Variants in LMBRD1 observed in about 807,000 individuals in gnomAD.
LMBRD1 encodes the protein LMBR1 domain containing 1, also known as lysosomal cobalamin transport escort protein LMBD1.
LMBRD1 carries 64 observed loss-of-function variants against 74.8 expected under a neutral mutation model. That is an observed-to-expected ratio of 0.86 (90% CI 0.70 to 1.05). LMBRD1 has a LOEUF of 1.05. Ranked by LOEUF, LMBRD1 falls within the 50% of genes least tolerant of loss-of-function variation. LMBRD1 has a pLI of 0.00. For missense variants in LMBRD1, 652 were observed against 645.9 expected (o/e 1.01, Z -0.10); for synonymous variants, 204 against 216.3 (o/e 0.94, Z 0.50).
At chr6:69,711,096 A>G (rs1027302984) in intron 9 of LMBRD1, among the ~76,000 whole-genome samples, 1 of 152,182 alleles carries the variant, frequency 6.6e-6, no homozygotes, top group Non-Finnish European at 1.5e-5. Context: ...ATTGTGATAC[A>G]GACACACACT....
chr6:69,699,649 G>C (rs1457538114), intron 12 of LMBRD1, among the ~76,000 whole-genome samples: 3 of 151,656 alleles, frequency 2.0e-5, no homozygotes, highest in Non-Finnish European at 4.4e-5. Flanking sequence ...TCTTACTAAA[G>C]AGCTTTTCAC....
At chr6:69,793,655 A>C (rs1766140317) in intron 1 of LMBRD1, among the ~76,000 whole-genome samples, 1 of 152,074 alleles carries the variant, frequency 6.6e-6, no homozygotes, top group Admixed American at 6.6e-5. Flanking sequence ...TTATGTGTGA[A>C]GAAACTGAAG....
intron 7 of LMBRD1, among the ~76,000 whole-genome samples, chr6:69,728,177 G>A (rs1766776500): frequency 6.6e-6 from 1 of 152,174 alleles, no homozygotes; most frequent in Non-Finnish European, 1.5e-5. Flanking sequence ...GAAGAAGAGA[G>A]TGAAGTGGGA....
At chr6:69,792,590 T>C (rs757483018) in intron 1 of LMBRD1, among the ~76,000 whole-genome samples, 1 of 152,210 alleles carries the variant, frequency 6.6e-6, no homozygotes, top group African/African-American at 2.4e-5. Context: ...GGATCTAGGC[T>C]CAAATTCTTG....
At chr6:69,795,233 A>G (rs1161511189) in intron 1 of LMBRD1, among the ~76,000 whole-genome samples, 2 of 152,228 alleles carry the variant, frequency 1.3e-5, no homozygotes, top group East Asian at 3.8e-4. Flanking sequence ...ACAACATTCA[A>G]TTCTGATTTT....
At chr6:69,771,908 C>G (rs1245561397) in intron 3 of LMBRD1, among the ~76,000 whole-genome samples, 1 of 151,892 alleles carries the variant, frequency 6.6e-6, no homozygotes, top group Non-Finnish European at 1.5e-5. Flanking sequence ...TGGTCAGATT[C>G]TAGATAAATT....
intron 9 of LMBRD1, among the ~76,000 whole-genome samples, chr6:69,702,327 G>T (rs1415385402): frequency 6.6e-6 from 1 of 151,014 alleles, no homozygotes. Flanking sequence ...TGAAATGCAG[G>T]TTATATTACC....
intron 1 of LMBRD1, among the ~76,000 whole-genome samples, chr6:69,796,282 C>G (rs969537944): frequency 6.6e-6 from 1 of 151,888 alleles, no homozygotes; most frequent in Non-Finnish European, 1.5e-5. Context: ...GAAGTCAGAA[C>G]GAGCAACTCA....
chr6:69,757,228 T>C (rs1765285481), intron 3 of LMBRD1, among the ~76,000 whole-genome samples: 4 of 152,072 alleles, frequency 2.6e-5, no homozygotes, highest in African/African-American at 7.2e-5. Context: ...TGATTGAACA[T>C]AAGGAAGTTT....
At chr6:69,743,735 A>G (rs902275029) in intron 5 of LMBRD1, among the ~76,000 whole-genome samples, 16 of 152,246 alleles carry the variant, frequency 1.1e-4, no homozygotes, top group Non-Finnish European at 1.6e-4. Flanking sequence ...GAAAATATCC[A>G]TAAGTAGAAC....
intron 3 of LMBRD1, among the ~76,000 whole-genome samples, chr6:69,753,170 T>C (rs1765200179): frequency 6.6e-6 from 1 of 152,322 alleles, no homozygotes; most frequent in East Asian, 1.9e-4. Context: ...CTAAATTCAA[T>C]ATAGAGCTTA....
At chr6:69,678,159 T>A (rs750589683) in intron 14 of LMBRD1, among the ~76,000 whole-genome samples, 4 of 152,198 alleles carry the variant, frequency 2.6e-5, no homozygotes, top group Admixed American at 1.3e-4. Context: ...ATTTTGTATG[T>A]TATGTATATT....
intron 7 of LMBRD1, among the ~76,000 whole-genome samples, chr6:69,720,005 T>C (rs749288593): frequency 6.6e-6 from 1 of 152,220 alleles, no homozygotes; most frequent in Non-Finnish European, 1.5e-5. Flanking sequence ...CTTTTTCTCA[T>C]GCTCTCTGCT....
At chr6:69,688,746 TA>T (rs34608489) in intron 14 of LMBRD1, among the ~76,000 whole-genome samples, 27 of 151,522 alleles carry the variant, frequency 1.8e-4, no homozygotes, top group African/African-American at 5.6e-4. Flanking sequence ...GATATTTATT[TA>T]AAAAAAATAA....
At chr6:69,795,519 T>C (rs577070196) in intron 1 of LMBRD1, among the ~76,000 whole-genome samples, 1 of 152,364 alleles carries the variant, frequency 6.6e-6, no homozygotes, top group South Asian at 2.1e-4. Flanking sequence ...TATTAATTTA[T>C]AACTGCCAAG....
At chr6:69,705,507 G>T in intron 9 of LMBRD1, 1 of 1,241,440 alleles carries the variant, frequency 8.1e-7, no homozygotes, top group South Asian at 1.2e-5. Flanking sequence ...TTACCCGTTT[G>T]ATCTTGGTAT....
At chr6:69,713,199 T>C (rs957918089) in intron 9 of LMBRD1, among the ~76,000 whole-genome samples, 3 of 152,054 alleles carry the variant, frequency 2.0e-5, no homozygotes, top group African/African-American at 4.8e-5. Flanking sequence ...CAATCCAACA[T>C]AGTGCTGGAA....
chr6:69,732,963 C>T (rs1211886693), intron 7 of LMBRD1, among the ~76,000 whole-genome samples: 1 of 152,180 alleles, frequency 6.6e-6, no homozygotes, highest in Non-Finnish European at 1.5e-5. Context: ...AACTAATATG[C>T]TGTTTGACCT....
At chr6:69,766,989 T>C (rs755475718) in intron 3 of LMBRD1, among the ~76,000 whole-genome samples, 2 of 151,814 alleles carry the variant, frequency 1.3e-5, no homozygotes, top group East Asian at 3.9e-4. Flanking sequence ...ATCTAATTTA[T>C]TGGTATAAAG....
Sources: allele counts gnomAD v4.1 joint callset (sites outside exome capture counted in the v4.1 genomes callset), GRCh38; gene constraint gnomAD v4.1.1; transcripts MANE v1.5; gene names NCBI Gene and HGNC (gene_info 2026-07-23, HGNC 2026-07-21).